Variants in IDO1 observed in about 807,000 individuals in gnomAD.
The protein encoded by IDO1 is indoleamine 2,3-dioxygenase 1, also known as indolamine 2,3 dioxygenase.
IDO1 carries 35 observed loss-of-function variants against 38.8 expected under a neutral mutation model. The ratio of observed to expected loss-of-function variants is 0.90; its 90% CI spans 0.69 to 1.20. IDO1 has a LOEUF of 1.20. Among genes scored for constraint, IDO1 ranks in the 50% most tolerant of loss-of-function variants. The probability of loss-of-function intolerance (pLI) is 0.00; values close to 1 mark genes in which losing one functional copy is unlikely to be tolerated. For synonymous variants in IDO1, 171 were observed against 170.0 expected, an observed-to-expected ratio of 1.01 and a Z score of -0.05; for missense variants, 509 against 485.1, an observed-to-expected ratio of 1.05 and a Z score of -0.46.
rs1459296466 is a variant in IDO1 at position 39,925,219 on chromosome 8, A to G, written c.708-4A>G. The stretch of plus-strand genomic sequence containing the variant: ...TTTCTTTTTTTCTTTCTTTCCTCTG[A>G]TAGCTGGAAAGGCAACCCCCAGCTA... On this transcript the variant is annotated splice_polypyrimidine_tract_variant and splice_region_variant and intron_variant, in intron 8 of 9. Transcript: ENST00000518237. 6.4e-7 allele frequency: 1 copy of G among 1,573,700 alleles called. No individual in the cohort carries two copies. Among genetic ancestry groups the G allele is most frequent in the Non-Finnish European group, 8.6e-7 (1 of 1,165,642 alleles).
At chr8:39,927,728 T>C in intron 9 of IDO1, 102 bp from the exon 10 acceptor site, 1 of 623,046 alleles carries the variant, frequency 1.6e-6, no homozygotes, top group Non-Finnish European at 2.7e-6. Flanking sequence ...CAGTGAATGC[T>C]ATATTGGTGA....
intron 5 of IDO1, 79 bp downstream of exon 5, chr8:39,920,193 A>G (rs1807251197): frequency 8.9e-7 from 1 of 1,127,496 alleles, no homozygotes; most frequent in Non-Finnish European, 1.3e-6. Flanking sequence ...TAGACTCCAA[A>G]TGCATTTTTA....
chr8:39,918,767 A>AAAC lies in IDO1; in HGVS notation c.304-30_304-28dup, dbSNP rs747397929. 1.2e-3 allele frequency: 716 copies of AAAC among 580,400 alleles called. 2 individuals carry two copies. The highest frequency in any genetic ancestry group is 1.8e-3 in the South Asian group (94 of 53,194). 36.0% of individuals were successfully genotyped at this position (580,400 alleles called of 1,614,324 possible). On this transcript the variant is annotated intron_variant, in intron 3 of 9. Coordinates refer to ENST00000518237, the MANE Select transcript of IDO1 (RefSeq NM_002164.6). ...ATCTCAAAAAAAAAAAAAAAAAAAAAAACAACAACAACAACAACAAAAAAC... is the reference window on the plus strand; with the variant it reads ...ATCTCAAAAAAAAAAAAAAAAAAAAAAACAACAACAACAACAACAACAAAAAAC...
At chr8:39,923,446 T>G in intron 6 of IDO1, 23 bp from the exon 7 acceptor site, 2 of 1,284,208 alleles carry the variant, frequency 1.6e-6, no homozygotes, top group Non-Finnish European at 2.3e-6. Flanking sequence ...CTTAAATGTT[T>G]GTGTTTTGTT....
intron 9 of IDO1, among the ~76,000 whole-genome samples, chr8:39,927,508 C>T (rs532794031): frequency 7.0e-4 from 104 of 148,374 alleles, no homozygotes; most frequent in African/African-American, 2.3e-3. Context: ...TGCGGCGAGC[C>T]GAGATCGTGC....
At position 39,925,241 on chromosome 8, in the gene IDO1, G is replaced by A. The variant is rs1422152680; in HGVS notation, c.726G>A (p.Gln242=). 3.8e-6 allele frequency: 6 copies of A among 1,598,680 alleles called. No individual in the cohort carries two copies. The highest frequency in any genetic ancestry group is 1.3e-5 in the African/African-American group (1 of 74,402). Residue 242 remains glutamine (Q), a synonymous_variant, in exon 9 of 10, where the codon CAG becomes CAA. Coordinates refer to ENST00000518237, the MANE Select transcript of IDO1 (RefSeq NM_002164.6). The stretch of plus-strand genomic sequence containing the variant: ...CTGATAGCTGGAAAGGCAACCCCCA[G>A]CTATCAGACGGTCTGGTGTATGAAG... ...IYLSGWKGNP[Q]LSDGLVYEGF...
chr8:39,918,145 C>G lies in IDO1; in HGVS notation c.241C>G (p.Leu81Val), dbSNP rs760377982. 6.2e-7 allele frequency: 1 copy of G among 1,613,822 alleles called. No homozygotes were observed. Among genetic ancestry groups the G allele is most frequent in the Non-Finnish European group, 8.5e-7 (1 of 1,179,856 alleles). The change falls in exon 3 of 10, where the codon CTA (leucine) becomes GTA (valine). Residue 81 changes from leucine (L) to valine (V), a missense_variant. Physicochemically the swap from Leu to Val is conservative, Grantham distance 32. Transcript: ENST00000518237. ...CCACAAGTCACAGCGCCTTGCACGTCTAGTTCTGGGATGCATCACCATGGC... is the reference window on the plus strand; with the variant it reads ...CCACAAGTCACAGCGCCTTGCACGTGTAGTTCTGGGATGCATCACCATGGC... ...TDHKSQRLARLVLGCITMAYV... is the reference protein window; with the variant it reads ...TDHKSQRLARVVLGCITMAYV...
chr8:39,928,719 C>T lies in IDO1; in HGVS notation c.*534C>T, dbSNP rs904538806. Among the ~76,000 whole-genome samples, 80 of 137,164 alleles carry T rather than the reference C, an allele frequency of 5.8e-4. 1 individual carries two copies. Among genetic ancestry groups the T allele is most frequent in the Non-Finnish European group, 9.4e-4 (61 of 64,774 alleles). The allele number at this position is 137,164 out of a possible 152,430, so 90.0% of individuals were successfully genotyped here. A position where few individuals can be genotyped will look rare whatever the true frequency, so the allele number is the denominator to read the frequency against. ...CTGCAATCCGGCCTGGGCTAAAGAG[C>T]GGGACTCCGTCTCAAAAAAAAAAAA... is the stretch of plus-strand genomic sequence containing the variant. On this transcript the variant is annotated 3_prime_UTR_variant, in exon 10 of 10. Transcript: ENST00000518237.
chr8:39,922,633 A>AG lies in IDO1; in HGVS notation c.520dup (p.Ala174GlyfsTer77), dbSNP rs1807292307. 6.2e-7 allele frequency: 1 copy of AG among 1,611,320 alleles called. No homozygotes were observed. The highest frequency in any genetic ancestry group is 1.7e-5 in the Admixed American group (1 of 59,994). ...TGGTCTCTCTATTGGTGGAAATAGC[A>AG]GCTGCTTCTGCAATCAAAGTACGTC... On this transcript the variant is annotated frameshift_variant, in exon 6 of 10. Transcript: ENST00000518237. LOFTEE classifies it high-confidence loss of function.
intron 5 of IDO1, among the ~76,000 whole-genome samples, chr8:39,922,023 C>T (rs1046877193): frequency 3.9e-5 from 6 of 151,980 alleles, no homozygotes; most frequent in Admixed American, 1.3e-4. Flanking sequence ...TTTTCTGAGA[C>T]GAGTCTCGCT....
chr8:39,916,559 T>G (rs1346785667), intron 1 of IDO1, among the ~76,000 whole-genome samples: 1 of 152,098 alleles, frequency 6.6e-6, no homozygotes, highest in Non-Finnish European at 1.5e-5. Context: ...TGAAAAAAAA[T>G]TATTGGTTAC....
chr8:39,918,812 C>G lies in IDO1; in HGVS notation c.304-3C>G. The stretch of plus-strand genomic sequence containing the variant: ...AAAAACCTAACTACTGTATTTTAAT[C>G]AGGTCTTGCCAAGAAATATTGCTGT... On this transcript the variant is annotated splice_polypyrimidine_tract_variant and splice_region_variant and intron_variant, in intron 3 of 9. Coordinates refer to ENST00000518237, the MANE Select transcript of IDO1 (RefSeq NM_002164.6). 7.1e-7 allele frequency: 1 copy of G among 1,407,882 alleles called. No homozygotes were observed. The highest frequency in any genetic ancestry group is 1.0e-6 in the Non-Finnish European group (1 of 999,960). The allele number at this position is 1,407,882 out of a possible 1,614,324, so 87.2% of individuals were successfully genotyped here. A position where few individuals can be genotyped will look rare whatever the true frequency, so the allele number is the denominator to read the frequency against.
chr8:39,918,211 T>A lies in IDO1; in HGVS notation c.303+4T>A. On this transcript the variant is annotated splice_donor_region_variant and intron_variant, in intron 3 of 9. Coordinates refer to ENST00000518237, the MANE Select transcript of IDO1 (RefSeq NM_002164.6). ...AGGTCATGGAGATGTCCGTAAGGTTTGGAGATTTTCTCAGATTTCTTATGC... is the reference window on the plus strand; with the variant it reads ...AGGTCATGGAGATGTCCGTAAGGTTAGGAGATTTTCTCAGATTTCTTATGC... 6.2e-7 allele frequency: 1 copy of A among 1,601,382 alleles called. No individual in the cohort carries two copies. Among genetic ancestry groups the A allele is most frequent in the South Asian group, 1.1e-5 (1 of 89,668 alleles).
At chr8:39,922,999 T>C (rs1347497370) in intron 6 of IDO1, 1 of 225,166 alleles carries the variant, frequency 4.4e-6, no homozygotes, top group African/African-American at 2.3e-5. Context: ...AATTAAATGC[T>C]ATGTGAATAA....
chr8:39,922,470 C>A (rs10108662), intron 5 of IDO1, 82 bp from the exon 6 acceptor site: 259,209 of 874,800 alleles, frequency 0.3, 40,529 homozygotes, highest in Middle Eastern at 0.34. Context: ...TATGTTGAAA[C>A]TAAAATAGCA....
At chr8:39,927,147 C>T (rs1353007967) in intron 9 of IDO1, among the ~76,000 whole-genome samples, 3 of 152,128 alleles carry the variant, frequency 2.0e-5, no homozygotes, top group Admixed American at 2.0e-4. Context: ...TGTTGTTGAA[C>T]ACTCATTTAA....
Position 39,922,582 on chromosome 8 carries a change from T to A in IDO1, c.468T>A (p.Asp156Glu), listed in dbSNP as rs185712428. The change falls in exon 6 of 10, where the codon GAT (aspartate) becomes GAA (glutamate). Residue 156 changes from aspartate (D) to glutamate (E), a missense_variant. By Grantham distance (45) the Asp-to-Glu change is conservative. Transcript: ENST00000518237. ...TGGACGTTTTGTTCTCATTTCGTGA[T>A]GGAGACTGCAGTAAAGGATTCTTCC... is the stretch of plus-strand genomic sequence containing the variant. ...ENMDVLFSFR[D>E]GDCSKGFFLV... is the part of the protein sequence containing the mutation. The A allele has an allele frequency of 6.9e-5, 111 of 1,613,696 alleles. No individual in the cohort carries two copies. Among genetic ancestry groups the A allele is most frequent in the Non-Finnish European group, 3.4e-6 (4 of 1,179,626 alleles).
At chr8:39,920,027 T>A in intron 4 of IDO1, 73 bp from the exon 5 acceptor site, 3 of 1,280,464 alleles carry the variant, frequency 2.3e-6, no homozygotes, top group Non-Finnish European at 3.4e-6. Flanking sequence ...CAACAACTCA[T>A]CATTATTTGA....
intron 3 of IDO1, chr8:39,918,528 C>A: frequency 2.2e-6 from 1 of 459,888 alleles, no homozygotes; most frequent in African/African-American, 2.0e-5. Context: ...GGAGGATCAC[C>A]TGAGGTCAGG....
Sources: gnomAD v4.1 joint callset for allele counts (sites outside exome capture counted in the v4.1 genomes callset) on GRCh38, gnomAD v4.1.1 for gene constraint, MANE v1.5 for transcripts, NCBI Gene and HGNC (gene_info 2026-07-23, HGNC 2026-07-21) for gene names.